The following ZBTB16 variants were observed in gnomAD, a reference collection of about 807,000 sequenced individuals.
The protein encoded by ZBTB16 is zinc finger and BTB domain-containing protein 16.
ZBTB16 carries 8 observed loss-of-function variants against 56.8 expected under a neutral mutation model. The ratio of observed to expected loss-of-function variants is 0.14; its 90% CI spans 0.08 to 0.25. The LOEUF (loss-of-function observed/expected upper bound fraction) is 0.25, where lower values mean the gene tolerates loss of function less well. Ranked by LOEUF, ZBTB16 falls within the 10% of genes least tolerant of loss-of-function variation. ZBTB16 has a pLI of 1.00. For missense variants in ZBTB16, 625 were observed against 903.0 expected (o/e 0.69, Z 3.95); for synonymous variants, 363 against 368.5 (o/e 0.98, Z 0.17).
chr11:114,190,784 TACAC>T (rs900859173), intron 4 of ZBTB16, among the ~76,000 whole-genome samples: 1 of 151,666 alleles, frequency 6.6e-6, no homozygotes, highest in Admixed American at 6.6e-5. Context: ...TGTGTATACA[TACAC>T]ACACAAACAG....
intron 2 of ZBTB16, among the ~76,000 whole-genome samples, chr11:114,134,759 G>T (rs746655425): frequency 3.9e-5 from 6 of 152,192 alleles, no homozygotes; most frequent in Non-Finnish European, 8.8e-5. Context: ...CCTCATCTGT[G>T]AAGTCATTTT....
At chr11:114,091,204 G>A (rs78125497) in intron 2 of ZBTB16, among the ~76,000 whole-genome samples, 4 of 152,054 alleles carry the variant, frequency 2.6e-5, no homozygotes, top group African/African-American at 4.8e-5. Flanking sequence ...AAAAATTAAC[G>A]GGACGTTGTG....
chr11:114,148,431 C>G lies in ZBTB16; in HGVS notation c.1269-7906C>G, dbSNP rs1231934840. Among the ~76,000 whole-genome samples the G allele has an allele frequency of 7.6e-4, 53 of 69,852 alleles. 3 individuals carry two copies. The highest frequency in any genetic ancestry group is 2.9e-3 in the African/African-American group (45 of 15,784). 45.8% of individuals were successfully genotyped at this position (69,852 alleles called of 152,430 possible). Reference sequence around the variant, plus strand: ...TCCCTCCCTCCCTCCCTCCCTCTCTCTCTCTTTCTCTCTCTCTGTCTGTCT... The same window carrying G: ...TCCCTCCCTCCCTCCCTCCCTCTCTGTCTCTTTCTCTCTCTCTGTCTGTCT... On this transcript the variant is annotated intron_variant, in intron 2 of 6. Transcript: ENST00000335953.
At chr11:114,148,959 C>T (rs960281385) in intron 2 of ZBTB16, among the ~76,000 whole-genome samples, 2 of 150,460 alleles carry the variant, frequency 1.3e-5, no homozygotes, top group African/African-American at 2.5e-5. Context: ...TTTTCTCTTC[C>T]GATTCTCTTT....
At chr11:114,229,192 G>A (rs1305165954) in intron 4 of ZBTB16, among the ~76,000 whole-genome samples, 1 of 152,154 alleles carries the variant, frequency 6.6e-6, no homozygotes, top group African/African-American at 2.4e-5. Flanking sequence ...GTAACAAATG[G>A]TTTGATTTTG....
At chr11:114,126,076 G>A (rs1185117024) in intron 2 of ZBTB16, among the ~76,000 whole-genome samples, 1 of 152,152 alleles carries the variant, frequency 6.6e-6, no homozygotes, top group African/African-American at 2.4e-5. Flanking sequence ...TGTTAAATGT[G>A]TCCTCCTAGA....
chr11:114,096,064 C>CT (rs1940394939), intron 2 of ZBTB16, among the ~76,000 whole-genome samples: 1 of 152,256 alleles, frequency 6.6e-6, no homozygotes, highest in South Asian at 2.1e-4. Context: ...CTACTTAAGA[C>CT]ACTGTATTAA....
intron 4 of ZBTB16, among the ~76,000 whole-genome samples, chr11:114,222,679 C>G (rs758378837): frequency 2.0e-5 from 3 of 152,150 alleles, no homozygotes; most frequent in Non-Finnish European, 4.4e-5. Context: ...TTAAAAGAAG[C>G]CCCTTTTTAT....
At chr11:114,123,503 A>G (rs1941401621) in intron 2 of ZBTB16, among the ~76,000 whole-genome samples, 1 of 152,092 alleles carries the variant, frequency 6.6e-6, no homozygotes, top group South Asian at 2.1e-4. Flanking sequence ...GTACAGGCAT[A>G]TATATACATA....
intron 2 of ZBTB16, among the ~76,000 whole-genome samples, chr11:114,131,972 A>G (rs942563312): frequency 3.3e-5 from 5 of 152,168 alleles, no homozygotes; most frequent in Admixed American, 3.3e-4. Flanking sequence ...TCACATACCA[A>G]AAAAGCCTTA....
intron 2 of ZBTB16, among the ~76,000 whole-genome samples, chr11:114,091,915 G>C (rs1246952490): frequency 1.3e-5 from 2 of 152,178 alleles, no homozygotes; most frequent in Non-Finnish European, 2.9e-5. Context: ...ATGCTTACGA[G>C]TCATTGGAAT....
intron 3 of ZBTB16, among the ~76,000 whole-genome samples, chr11:114,158,088 G>A (rs897728879): frequency 1.3e-5 from 2 of 152,000 alleles, no homozygotes; most frequent in Non-Finnish European, 2.9e-5. Context: ...AGAGTGTGGC[G>A]GGTTTCATGA....
intron 2 of ZBTB16, among the ~76,000 whole-genome samples, chr11:114,137,461 GA>G (rs1941828799): frequency 6.6e-6 from 1 of 152,162 alleles, no homozygotes; most frequent in Admixed American, 6.5e-5. Flanking sequence ...ACCAGAGAAG[GA>G]ACTTGGCCAC....
intron 2 of ZBTB16, among the ~76,000 whole-genome samples, chr11:114,075,318 C>T (rs952090545): frequency 3.3e-5 from 5 of 152,178 alleles, no homozygotes; most frequent in Admixed American, 3.3e-4. Flanking sequence ...CTGATTCATA[C>T]TGGTGGTAGA....
chr11:114,214,635 G>T (rs1442109545), intron 4 of ZBTB16, among the ~76,000 whole-genome samples: 1 of 152,082 alleles, frequency 6.6e-6, no homozygotes, highest in Non-Finnish European at 1.5e-5. Flanking sequence ...ACAGGGTCTT[G>T]CTCTGTCGCC....
intron 3 of ZBTB16, among the ~76,000 whole-genome samples, chr11:114,158,695 C>A (rs1180232147): frequency 1.3e-5 from 2 of 152,168 alleles, no homozygotes; most frequent in Non-Finnish European, 2.9e-5. Context: ...GCCTCAGTAT[C>A]CTCATCTGTA....
chr11:114,182,145 G>A (rs994204024), intron 3 of ZBTB16, among the ~76,000 whole-genome samples: 19 of 152,114 alleles, frequency 1.2e-4, no homozygotes, highest in Admixed American at 7.2e-4. Context: ...TCTGCCTTCC[G>A]GGCTCAAGCT....
chr11:114,240,577 C>G (rs368167359), intron 4 of ZBTB16, among the ~76,000 whole-genome samples: 5 of 152,136 alleles, frequency 3.3e-5, no homozygotes, highest in African/African-American at 1.2e-4. Context: ...CAGGCACCAG[C>G]ACAGAGACAC....
intron 3 of ZBTB16, among the ~76,000 whole-genome samples, chr11:114,186,078 G>A (rs1252035088): frequency 6.6e-6 from 1 of 152,180 alleles, no homozygotes; most frequent in African/African-American, 2.4e-5. Flanking sequence ...AGCACATAAA[G>A]GGCCGAGAGC....
Sources: allele counts gnomAD v4.1 joint callset (sites outside exome capture counted in the v4.1 genomes callset), GRCh38; gene constraint gnomAD v4.1.1; transcripts MANE v1.5; gene names NCBI Gene and HGNC (gene_info 2026-07-23, HGNC 2026-07-21).